The following TGM4 variants were observed in gnomAD, a reference collection of about 807,000 sequenced individuals.
The protein encoded by TGM4 is protein-glutamine gamma-glutamyltransferase 4.
TGM4 carries 61 observed loss-of-function variants against 76.3 expected under a neutral mutation model. The ratio of observed to expected loss-of-function variants is 0.80; its 90% CI spans 0.65 to 0.99. TGM4 has a LOEUF of 0.99. TGM4 is among the 50% of genes least tolerant of loss of function. The pLI is 0.00. For missense variants in TGM4, 794 were observed against 843.2 expected (o/e 0.94, Z 0.72); for synonymous variants, 337 against 329.8 (o/e 1.02, Z -0.24).
intron 8 of TGM4, among the ~76,000 whole-genome samples, chr3:44,903,292 C>CTG (rs1290599827): frequency 6.6e-6 from 1 of 152,174 alleles, no homozygotes; most frequent in Non-Finnish European, 1.5e-5. Context: ...CGAGGAATGA[C>CTG]TGTTAATTGT....
At chr3:44,883,798 C>T (rs1024514881) in intron 1 of TGM4, among the ~76,000 whole-genome samples, 30 of 152,196 alleles carry the variant, frequency 2.0e-4, no homozygotes, top group African/African-American at 5.8e-4. Flanking sequence ...CATCACTGGC[C>T]GCATCCCCAA....
At chr3:44,912,691 A>G (rs2125761791) in intron 13 of TGM4, among the ~76,000 whole-genome samples, 1 of 152,306 alleles carries the variant, frequency 6.6e-6, no homozygotes, top group South Asian at 2.1e-4. Context: ...ATGCCAAATG[A>G]CAATATTGTG....
chr3:44,897,267 G>A (rs1699793006), intron 6 of TGM4, among the ~76,000 whole-genome samples: 1 of 152,056 alleles, frequency 6.6e-6, no homozygotes, highest in East Asian at 1.9e-4. Flanking sequence ...GACTCCCAAA[G>A]TGCTGGGATT....
intron 9 of TGM4, 31 bp from the exon 10 acceptor site, chr3:44,906,918 C>T (rs1699928396): frequency 1.2e-6 from 2 of 1,607,692 alleles, no homozygotes; most frequent in South Asian, 1.1e-5. Context: ...GGGAACCCCA[C>T]TGAGAGTGAC....
intron 3 of TGM4, 68 bp from the exon 4 acceptor site, chr3:44,890,535 G>A (rs1699677370): frequency 2.5e-6 from 4 of 1,580,972 alleles, no homozygotes; most frequent in Non-Finnish European, 3.4e-6. Flanking sequence ...ATTCTTCTGG[G>A]AAGCATTTGT....
chr3:44,910,906 AC>A (rs1699994872), intron 11 of TGM4, 51 bp from the exon 12 acceptor site: 2 of 1,582,080 alleles, frequency 1.3e-6, no homozygotes, highest in African/African-American at 2.7e-5. Context: ...GAGAACTCAT[AC>A]TGGGGGGGTA....
chr3:44,901,582 G>T lies in TGM4; in HGVS notation c.716G>T (p.Gly239Val). The change falls in exon 7 of 14, where the codon GGT (glycine) becomes GTT (valine). Residue 239 changes from glycine to valine, a missense_variant. Gly to Val is a moderately radical substitution (Grantham distance 109). Coordinates refer to ENST00000296125, the MANE Select transcript of TGM4 (RefSeq NM_003241.4). The stretch of plus-strand genomic sequence containing the variant: ...GGGAATTGGACTGGGGACTACGAAG[G>T]TGGCACAGCCCCATACAAGTGGACA... Reference protein sequence around the residue: ...LIGNWTGDYEGGTAPYKWTGS... With the variant: ...LIGNWTGDYEVGTAPYKWTGS... 6.2e-7 allele frequency: 1 copy of T among 1,614,040 alleles called. No homozygotes were observed. Among genetic ancestry groups the T allele is most frequent in the Non-Finnish European group, 8.5e-7 (1 of 1,179,952 alleles).
At position 44,914,729 on chromosome 3, in the gene TGM4, GCTT is replaced by G. The variant is rs1700061131; in HGVS notation, c.*1008_*1010del. 1 of 152,104 alleles carries G rather than the reference GCTT, an allele frequency of 6.6e-6. No individual in the cohort carries two copies. The highest frequency in any genetic ancestry group is 1.5e-5 in the Non-Finnish European group (1 of 68,010). The allele number at this position is 152,104 out of a possible 1,614,324, so 9.4% of individuals were successfully genotyped here. A position where few individuals can be genotyped will look rare whatever the true frequency, so the allele number is the denominator to read the frequency against. On this transcript the variant is annotated 3_prime_UTR_variant, in exon 14 of 14. Transcript: ENST00000296125. ...CCAGGCAAGGTGCTCTGAGGAGTTG[GCTT>G]CTTTATTGTCTGTTCAGTACATCCA...
chr3:44,898,168 C>A (rs1441330674), intron 6 of TGM4, among the ~76,000 whole-genome samples: 1 of 151,670 alleles, frequency 6.6e-6, no homozygotes, highest in African/African-American at 2.4e-5. Flanking sequence ...GTAGTCCCAG[C>A]TACTGGGGAG....
intron 5 of TGM4, 92 bp downstream of exon 5, chr3:44,893,787 G>T (rs1428787804): frequency 4.1e-6 from 5 of 1,216,954 alleles, no homozygotes; most frequent in Non-Finnish European, 6.1e-6. Flanking sequence ...CTGGAGAAAG[G>T]GTTGTGAACC....
intron 6 of TGM4, chr3:44,899,436 G>A (rs1699823197): frequency 6.6e-6 from 1 of 152,212 alleles, no homozygotes; most frequent in African/African-American, 2.4e-5. Context: ...GGTTACTGCA[G>A]ATTAGCTTCC....
intron 11 of TGM4, 60 bp from the exon 12 acceptor site, chr3:44,910,898 G>GA: frequency 6.4e-7 from 1 of 1,558,408 alleles, no homozygotes; most frequent in South Asian, 1.2e-5. Context: ...TTGATGAGGA[G>GA]AACTCATACT....
At chr3:44,885,260 A>G in intron 1 of TGM4, 65 bp from the exon 2 acceptor site, 1 of 1,501,062 alleles carries the variant, frequency 6.7e-7, no homozygotes, top group Non-Finnish European at 9.0e-7. Context: ...TTGAACCCAG[A>G]AAGAGGTGAT....
At chr3:44,908,493 A>G (rs901249160) in intron 10 of TGM4, among the ~76,000 whole-genome samples, 3 of 151,936 alleles carry the variant, frequency 2.0e-5, no homozygotes, top group Non-Finnish European at 4.4e-5. Flanking sequence ...GTCAACTGCT[A>G]CACTTGATGG....
Position 44,884,657 on chromosome 3 carries a change from A to C in TGM4, c.20-668A>C, listed in dbSNP as rs145536268. Among the ~76,000 whole-genome samples, 4 of 152,252 alleles carry C rather than the reference A, an allele frequency of 2.6e-5. No individual in the cohort carries two copies. In the East Asian group the frequency reaches 7.7e-4, roughly 29 times the overall value. ...GCCTTAAAAATCCCATTTATAATGC[A>C]AGTAGTCTTGGCCTCAGATCATGGG... is the stretch of plus-strand genomic sequence containing the variant. On this transcript the variant is annotated intron_variant, in intron 1 of 13. Transcript: ENST00000296125.
intron 9 of TGM4, among the ~76,000 whole-genome samples, chr3:44,904,532 G>A (rs1423421835): frequency 6.6e-6 from 1 of 152,212 alleles, no homozygotes; most frequent in Non-Finnish European, 1.5e-5. Flanking sequence ...TACAGCTGGG[G>A]AAGCAGAGGC....
chr3:44,888,064 G>A (rs1473626185), intron 3 of TGM4: 1 of 428,740 alleles, frequency 2.3e-6, no homozygotes, highest in Admixed American at 4.0e-5. Flanking sequence ...GAGGACATGA[G>A]CGGAGAGAAG....
Position 44,907,180 on chromosome 3 carries a change from A to T in TGM4, c.1307A>T (p.Tyr436Phe). 6.2e-7 allele frequency: 1 copy of T among 1,614,050 alleles called. No individual in the cohort carries two copies. Among genetic ancestry groups the T allele is most frequent in the African/African-American group, 1.3e-5 (1 of 75,008 alleles). ...CAAGACAGGCGGAGAGATATCACCT[A>T]TGAGTACAAGTATCCAGAAGGTGCT... ...VGQDRRRDIT[Y>F]EYKYPEGSSE... The change falls in exon 10 of 14, where the codon TAT (tyrosine) becomes TTT (phenylalanine). Residue 436 changes from tyrosine (Y) to phenylalanine (F), a missense_variant. Transcript: ENST00000296125.
At chr3:44,881,167 G>A (rs1036580975) in intron 1 of TGM4, among the ~76,000 whole-genome samples, 4 of 151,572 alleles carry the variant, frequency 2.6e-5, no homozygotes, top group South Asian at 4.2e-4. Flanking sequence ...TCACACCACG[G>A]CACTCCAGCC....
Sources: gnomAD v4.1 joint callset for allele counts (sites outside exome capture counted in the v4.1 genomes callset) on GRCh38, gnomAD v4.1.1 for gene constraint, MANE v1.5 for transcripts, NCBI Gene and HGNC (gene_info 2026-07-23, HGNC 2026-07-21) for gene names.